SRGAP2: variants seen among roughly 807,000 people sequenced by gnomAD.
SRGAP2 encodes the protein SLIT-ROBO Rho GTPase activating protein 2.
SRGAP2 carries 15 observed loss-of-function variants against 57.2 expected under a neutral mutation model. The ratio of observed to expected loss-of-function variants is 0.26; its 90% confidence interval spans 0.18 to 0.40. SRGAP2 has a LOEUF of 0.40. Ranked by LOEUF, SRGAP2 falls within the 10% of genes least tolerant of loss-of-function variation. The pLI is 1.00. For missense variants in SRGAP2, 520 were observed against 669.6 expected (o/e 0.78, Z 2.47); for synonymous variants, 249 against 248.0 (o/e 1.00, Z -0.04).
intron 22 of SRGAP2, among the ~76,000 whole-genome samples, chr1:206,459,573 A>G (rs372269118): frequency 6.6e-6 from 1 of 152,078 alleles, no homozygotes; most frequent in Non-Finnish European, 1.5e-5. Context: ...TCTGTTTTCC[A>G]TGAAATATTA....
chr1:206,414,855 G>A (rs963369805), intron 10 of SRGAP2, among the ~76,000 whole-genome samples: 1 of 152,184 alleles, frequency 6.6e-6, no homozygotes, highest in African/African-American at 2.4e-5. Flanking sequence ...GCGGTGAAGT[G>A]CTCTAAAACC....
chr1:206,353,694 CA>C (rs1420238311), intron 4 of SRGAP2, among the ~76,000 whole-genome samples: 2 of 142,100 alleles, frequency 1.4e-5, no homozygotes, highest in East Asian at 3.9e-4. Context: ...GACTCCATCT[CA>C]AAAAATAAAT....
chr1:206,447,506 C>A (rs1662863293), intron 18 of SRGAP2, among the ~76,000 whole-genome samples: 1 of 152,194 alleles, frequency 6.6e-6, no homozygotes, highest in Non-Finnish European at 1.5e-5. Flanking sequence ...TGTCTGGGTC[C>A]AAGCTGGAGG....
At chr1:206,340,696 T>C (rs1482600683) in intron 3 of SRGAP2, among the ~76,000 whole-genome samples, 2 of 147,438 alleles carry the variant, frequency 1.4e-5, no homozygotes, top group East Asian at 2.0e-4. Context: ...TGAAATCTAA[T>C]TGGAATCATT....
chr1:206,389,456 C>T (rs1656700064), intron 5 of SRGAP2, among the ~76,000 whole-genome samples: 1 of 152,168 alleles, frequency 6.6e-6, no homozygotes, highest in Non-Finnish European at 1.5e-5. Flanking sequence ...GGATTACAGG[C>T]ATGAGCCGCC....
chr1:206,427,740 T>G (rs1157807252), intron 13 of SRGAP2, among the ~76,000 whole-genome samples: 1 of 152,202 alleles, frequency 6.6e-6, no homozygotes, highest in African/African-American at 2.4e-5. Flanking sequence ...CCTTTCTAGT[T>G]AAGTTCGGTC....
At chr1:206,420,204 C>G (rs542529664) in intron 12 of SRGAP2, among the ~76,000 whole-genome samples, 34 of 152,268 alleles carry the variant, frequency 2.2e-4, no homozygotes, top group African/African-American at 6.3e-4. Flanking sequence ...AATTATGAGG[C>G]CATTTACAAT....
intron 4 of SRGAP2, among the ~76,000 whole-genome samples, chr1:206,374,149 C>G (rs1418521963): frequency 1.3e-5 from 2 of 150,232 alleles, no homozygotes; most frequent in African/African-American, 4.9e-5. Flanking sequence ...CTCAGCCTCC[C>G]GAATAGCTGG....
intron 19 of SRGAP2, among the ~76,000 whole-genome samples, chr1:206,452,633 A>G (rs1663418226): frequency 6.6e-6 from 1 of 152,212 alleles, no homozygotes; most frequent in Non-Finnish European, 1.5e-5. Context: ...TCACGCCTGT[A>G]ATCCCAGCAC....
intron 18 of SRGAP2, among the ~76,000 whole-genome samples, chr1:206,449,515 C>G (rs143665784): frequency 0.012 from 1,855 of 150,998 alleles, 22 homozygotes; most frequent in South Asian, 0.026. Flanking sequence ...GTCCCAAACT[C>G]CTAGACTCAA....
Position 206,241,911 on chromosome 1 carries a change from CGTGTGTGTGTGTGT to C in SRGAP2, c.67+35903_67+35916del, listed in dbSNP as rs781785493. On this transcript the variant is annotated intron_variant, in intron 2 of 22. Coordinates refer to ENST00000573034, the MANE Select transcript of SRGAP2 (RefSeq NM_015326.5). ...ATTTTTTAATGCTGGGAGGTGTTTG[CGTGTGTGTGTGTGT>C]GTGTGTGTGTGTGTGTGTGTGTGTG... Among the ~76,000 whole-genome samples the C allele has an allele frequency of 1.5e-4, 16 of 104,562 alleles. 1 individual carries two copies. Among genetic ancestry groups the C allele is most frequent in the African/African-American group, 3.1e-4 (7 of 22,564 alleles). The allele number at this position is 104,562 out of a possible 152,430, so 68.6% of individuals were successfully genotyped here. A position where few individuals can be genotyped will look rare whatever the true frequency, so the allele number is the denominator to read the frequency against.
chr1:206,291,101 A>G (rs2102717177), intron 2 of SRGAP2, among the ~76,000 whole-genome samples: 2 of 151,720 alleles, frequency 1.3e-5, no homozygotes, highest in South Asian at 4.2e-4. Flanking sequence ...TTTGTTAACC[A>G]ATCAACATTG....
rs868958379 is a variant in SRGAP2, at chr1:206,337,946, C to T, written c.261-4900C>T. ...AGCGCTTGTTGCTAAGTTTGTTGAA[C>T]GTCCATAAATAGTCCAAGGTGAGGG... On this transcript the variant is annotated intron_variant, in intron 3 of 22. Coordinates refer to ENST00000573034, the MANE Select transcript of SRGAP2 (RefSeq NM_015326.5). 3.1e-4 allele frequency among the ~76,000 whole-genome samples: 47 copies of T among 152,162 alleles called. No individual in the cohort carries two copies. The South Asian group carries it at 4.0e-3, about 13-fold the overall frequency.
rs146754985 is a variant in SRGAP2 at position 206,453,201 on chromosome 1, A to G, written c.2181A>G (p.Glu727=). The G allele has an allele frequency of 2.5e-4, 133 of 523,674 alleles. No homozygotes were observed. Among genetic ancestry groups the G allele is most frequent in the African/African-American group, 2.1e-3 (109 of 50,776 alleles). The allele number at this position is 523,674 out of a possible 1,614,324, so 32.4% of individuals were successfully genotyped here. ...TTACTTCTTTTCCACCCTTCTCAGA[A>G]TGTGAGCCCATCGAGGCCATTGCCA... The part of the protein sequence containing the change: ...VTAEHHTSDD[E]CEPIEAIAKF... The change falls in exon 20 of 23, where the codon GAA becomes GAG. Residue 727 remains glutamate (E), a splice_region_variant and synonymous_variant. Coordinates refer to ENST00000573034, the MANE Select transcript of SRGAP2 (RefSeq NM_015326.5).
At chr1:206,321,754 A>G (rs1673466665) in intron 3 of SRGAP2, among the ~76,000 whole-genome samples, 1 of 150,208 alleles carries the variant, frequency 6.7e-6, no homozygotes, top group Non-Finnish European at 1.5e-5. Context: ...TATTTGGCCA[A>G]TGGAGTCCCT....
intron 14 of SRGAP2, among the ~76,000 whole-genome samples, chr1:206,432,860 A>G (rs927477887): frequency 2.0e-5 from 3 of 152,352 alleles, no homozygotes. Flanking sequence ...ATCTGGCAAC[A>G]CTATACACTG....
intron 2 of SRGAP2, among the ~76,000 whole-genome samples, chr1:206,268,101 T>G (rs1669982223): frequency 6.6e-6 from 1 of 151,500 alleles, no homozygotes; most frequent in Admixed American, 6.6e-5. Context: ...TTTTTTAAAT[T>G]ATACTTTAAG....
chr1:206,239,020 C>A (rs1290996815), intron 2 of SRGAP2, among the ~76,000 whole-genome samples: 3 of 152,186 alleles, frequency 2.0e-5, no homozygotes, highest in African/African-American at 7.2e-5. Context: ...AGTAATTTTT[C>A]TAGCTGAGGT....
intron 2 of SRGAP2, among the ~76,000 whole-genome samples, chr1:206,233,386 G>A (rs1667749191): frequency 6.6e-6 from 1 of 152,190 alleles, no homozygotes; most frequent in South Asian, 2.1e-4. Flanking sequence ...TCACCTGTCT[G>A]CTCTTGCTTC....
Sources: gnomAD v4.1 joint callset for allele counts (sites outside exome capture counted in the v4.1 genomes callset) on GRCh38, gnomAD v4.1.1 for gene constraint, MANE v1.5 for transcripts, NCBI Gene and HGNC (gene_info 2026-07-23, HGNC 2026-07-21) for gene names.